The following PDE1A variants were observed in gnomAD, a reference collection of about 807,000 sequenced individuals.
PDE1A encodes the protein phosphodiesterase 1A.
In PDE1A, 35 loss-of-function variants were observed where a neutral mutation model predicts 61.7. The observed-to-expected ratio is 0.57, with a 90% CI of 0.43 to 0.75. The LOEUF (loss-of-function observed/expected upper bound fraction) is 0.75. Ranked by LOEUF, PDE1A falls within the 30% of genes least tolerant of loss-of-function variation. The pLI, the probability that PDE1A is intolerant of heterozygous loss-of-function variation, is 0.00. For missense variants in PDE1A, 597 were observed against 630.6 expected (o/e 0.95, Z 0.57); for synonymous variants, 232 against 213.2 (o/e 1.09, Z -0.77).
chr2:182,318,992 G>A (rs1696529852), intron 1 of PDE1A, among the ~76,000 whole-genome samples: 1 of 152,122 alleles, frequency 6.6e-6, no homozygotes. Flanking sequence ...GGAGAATGAA[G>A]ATATTCTTTT....
chr2:182,275,473 A>AAT (rs2125831140), intron 1 of PDE1A, among the ~76,000 whole-genome samples: 1 of 152,262 alleles, frequency 6.6e-6, no homozygotes, highest in Non-Finnish European at 1.5e-5. Flanking sequence ...CCAGAACCGC[A>AAT]ATACACAGTA....
chr2:182,348,164 C>T (rs6433970), intron 1 of PDE1A, among the ~76,000 whole-genome samples: 151,366 of 152,280 alleles, frequency 0.99, 75,234 homozygotes, highest in Middle Eastern at 1. Flanking sequence ...ATAATGTATC[C>T]CTTAAATTAA....
chr2:182,559,874 G>C, the PDE1A span, among the ~76,000 whole-genome samples: 12 of 152,188 alleles, frequency 7.9e-5, no homozygotes, highest in African/African-American at 2.9e-4. Flanking sequence ...ACAAAAGAAT[G>C]CTTTGAATGA....
chr2:182,411,507 T>C (rs565519195), intron 1 of PDE1A, among the ~76,000 whole-genome samples: 2 of 152,318 alleles, frequency 1.3e-5, no homozygotes, highest in South Asian at 4.1e-4. Context: ...ATGTATTTAC[T>C]TCTGTTTGGC....
the PDE1A span, among the ~76,000 whole-genome samples, chr2:182,648,362 A>G: frequency 2.6e-5 from 4 of 151,762 alleles, no homozygotes; most frequent in African/African-American, 9.7e-5. Flanking sequence ...TTGTGGCAAG[A>G]GCTTAAGTAG....
chr2:182,203,656 T>A (rs969327691), intron 8 of PDE1A, among the ~76,000 whole-genome samples: 1 of 152,082 alleles, frequency 6.6e-6, no homozygotes, highest in Non-Finnish European at 1.5e-5. Flanking sequence ...ATGTTATCAA[T>A]AACCAACTAA....
rs148965894 is a variant in PDE1A at position 182,246,899 on chromosome 2, A to T, written c.168-6607T>A. Among the ~76,000 whole-genome samples the T allele has an allele frequency of 2.6e-3, 389 of 152,334 alleles. 3 individuals are homozygous for T. Among genetic ancestry groups the T allele is most frequent in the African/African-American group, 8.3e-3 (343 of 41,572 alleles). On this transcript the variant is annotated intron_variant, in intron 2 of 13. Coordinates refer to ENST00000351439, the Ensembl canonical transcript of PDE1A. ...TCTAAAATCATGTGTGACACAGAGC[A>T]GGGGGTCAATATATATCCACTGAAT...
At chr2:182,257,306 G>A (rs1160191104) in intron 2 of PDE1A, among the ~76,000 whole-genome samples, 3 of 152,218 alleles carry the variant, frequency 2.0e-5, no homozygotes, top group East Asian at 1.9e-4. Context: ...AATTCCAAGC[G>A]TTTTTTAAAC....
At chr2:182,690,767 A>G in the PDE1A span, among the ~76,000 whole-genome samples, 1 of 152,226 alleles carries the variant, frequency 6.6e-6, no homozygotes, top group Non-Finnish European at 1.5e-5. Context: ...ACATGATTGT[A>G]TATCTAGAAA....
chr2:182,395,310 CAAGATATCGCATTG>C (rs1397733007), intron 1 of PDE1A, among the ~76,000 whole-genome samples: 2 of 152,176 alleles, frequency 1.3e-5, no homozygotes, highest in South Asian at 2.1e-4. Flanking sequence ...TTCCTTTTCA[CAAGATATCGCATTG>C]ATCCATTATA....
the PDE1A span, among the ~76,000 whole-genome samples, chr2:182,647,795 T>G: frequency 6.6e-6 from 1 of 152,100 alleles, no homozygotes; most frequent in Non-Finnish European, 1.5e-5. Context: ...TGTAGAAAAA[T>G]TGGCTTTCGA....
intron 2 of PDE1A, among the ~76,000 whole-genome samples, chr2:182,261,889 C>A (rs2125778897): frequency 6.6e-6 from 1 of 152,220 alleles, no homozygotes; most frequent in South Asian, 2.1e-4. Context: ...TTCTTTGGTT[C>A]TAAAGTTTTA....
At chr2:182,637,571 T>C in the PDE1A span, among the ~76,000 whole-genome samples, 1 of 152,288 alleles carries the variant, frequency 6.6e-6, no homozygotes, top group South Asian at 2.1e-4. Context: ...TGATGAAGGT[T>C]AGAATCTCAG....
chr2:182,299,352 T>A (rs1165417187), intron 1 of PDE1A, among the ~76,000 whole-genome samples: 2 of 150,990 alleles, frequency 1.3e-5, no homozygotes, highest in East Asian at 3.9e-4. Context: ...AACCTTTCAG[T>A]TGGTTCCCTG....
chr2:182,708,764 T>C, the PDE1A span, among the ~76,000 whole-genome samples: 2 of 152,200 alleles, frequency 1.3e-5, no homozygotes, highest in Non-Finnish European at 2.9e-5. Flanking sequence ...GGAATCCAAA[T>C]TCTACCGCTT....
At chr2:182,499,644 A>G (rs1688968220) in intron 2 of PDE1A, among the ~76,000 whole-genome samples, 1 of 152,256 alleles carries the variant, frequency 6.6e-6, no homozygotes, top group African/African-American at 2.4e-5. Flanking sequence ...TGATAGCAAT[A>G]CCGAGAGTTA....
At chr2:182,254,659 C>T (rs1559257879) in intron 2 of PDE1A, among the ~76,000 whole-genome samples, 1 of 152,066 alleles carries the variant, frequency 6.6e-6, no homozygotes. Flanking sequence ...GTGAAAAAAA[C>T]AATGATTAGA....
At chr2:182,512,457 G>A (rs1689864081) in intron 2 of PDE1A, among the ~76,000 whole-genome samples, 2 of 152,060 alleles carry the variant, frequency 1.3e-5, no homozygotes, top group South Asian at 2.1e-4. Flanking sequence ...CCCATCCAAA[G>A]GACAGCAACT....
At chr2:182,450,324 G>C (rs187288074) in intron 2 of PDE1A, among the ~76,000 whole-genome samples, 1 of 152,020 alleles carries the variant, frequency 6.6e-6, no homozygotes, top group East Asian at 1.9e-4. Context: ...TGGAAGAAAT[G>C]GAGACATAAA....
Sources: allele counts gnomAD v4.1 joint callset (sites outside exome capture counted in the v4.1 genomes callset), GRCh38; gene constraint gnomAD v4.1.1; transcripts MANE v1.5; gene names NCBI Gene and HGNC (gene_info 2026-07-23, HGNC 2026-07-21).